The following GARNL3 variants were observed in gnomAD, a reference collection of about 807,000 sequenced individuals.
GARNL3 encodes the protein GTPase activating Rap/RanGAP domain like 3.
Under a neutral mutation model 125.0 loss-of-function variants are expected in GARNL3, and 63 were observed. That is an observed-to-expected ratio of 0.50 (90% CI 0.41 to 0.62). The LOEUF (loss-of-function observed/expected upper bound fraction) is 0.62. GARNL3 is among the 20% of genes least tolerant of loss of function. The pLI is 0.00. For missense variants in GARNL3, 994 were observed against 1,244.0 expected (o/e 0.80, Z 3.02); for synonymous variants, 439 against 457.5 (o/e 0.96, Z 0.52).
chr9:127,271,159 T>C (rs2063815364), intron 1 of GARNL3, among the ~76,000 whole-genome samples: 1 of 150,296 alleles, frequency 6.7e-6, no homozygotes. Context: ...TTCCTTCATA[T>C]AGCGAGAATT....
chr9:127,321,960 C>G (rs1002026597), intron 6 of GARNL3, among the ~76,000 whole-genome samples: 14 of 152,208 alleles, frequency 9.2e-5, no homozygotes, highest in Non-Finnish European at 1.8e-4. Flanking sequence ...GTTATCAACT[C>G]TTGGCTTACC....
rs981595639 is a variant in GARNL3 at position 127,390,520 on chromosome 9, T to G, written c.2744-121T>G. ...TAATTTGAAAATATATATTCTATCATCTTTCTTCCTGACTCTAGCACAACA... is the reference window on the plus strand; with the variant it reads ...TAATTTGAAAATATATATTCTATCAGCTTTCTTCCTGACTCTAGCACAACA... On this transcript the variant is annotated intron_variant, in intron 26 of 27. Transcript: ENST00000373387. 7.0e-6 allele frequency: 6 copies of G among 854,760 alleles called. No homozygotes were observed. In the African/African-American group the frequency reaches 1.0e-4, roughly 15 times the overall value. The allele number at this position is 854,760 out of a possible 1,614,324, so 52.9% of individuals were successfully genotyped here. A position where few individuals can be genotyped will look rare whatever the true frequency, so the allele number is the denominator to read the frequency against.
At chr9:127,292,304 T>C (rs545039780) in intron 2 of GARNL3, among the ~76,000 whole-genome samples, 77 of 152,326 alleles carry the variant, frequency 5.1e-4, no homozygotes, top group Middle Eastern at 3.4e-3. Flanking sequence ...CTGACCCACA[T>C]AGAAGAAGGA....
chr9:127,264,024 T>C, upstream of GARNL3: 1 of 1,388,800 alleles, frequency 7.2e-7, no homozygotes, highest in Non-Finnish European at 9.8e-7. Context: ...TTTCTTTGCA[T>C]GTTAGATCCC....
intron 1 of GARNL3, among the ~76,000 whole-genome samples, chr9:127,228,692 T>C (rs998072057): frequency 6.6e-5 from 10 of 152,250 alleles, no homozygotes; most frequent in East Asian, 1.9e-4. Context: ...TTAGGTCAAA[T>C]ATATAGCAAA....
Position 127,357,176 on chromosome 9 carries a change from T to C in GARNL3, c.1936-43T>C, listed in dbSNP as rs753180169. The C allele has an allele frequency of 2.5e-6, 4 of 1,605,356 alleles. No homozygotes were observed. The South Asian group carries it at 4.4e-5, about 18-fold the overall frequency. On this transcript the variant is annotated intron_variant, in intron 20 of 27. Transcript: ENST00000373387. ...TGGGGCTTGGCATGGAGCTGGCTGC[T>C]CTGTTCTCACCCCTGTCTCTTGTAT...
intron 4 of GARNL3, among the ~76,000 whole-genome samples, chr9:127,314,401 G>A (rs1442279633): frequency 1.3e-5 from 2 of 152,168 alleles, no homozygotes; most frequent in African/African-American, 4.8e-5. Context: ...ATGCTCTGAG[G>A]TGCCTCCAGG....
At chr9:127,269,536 C>A (rs1198959024) in intron 1 of GARNL3, among the ~76,000 whole-genome samples, 2 of 152,202 alleles carry the variant, frequency 1.3e-5, no homozygotes, top group African/African-American at 2.4e-5. Flanking sequence ...TTTCCACCAG[C>A]AATGCACAAA....
intron 1 of GARNL3, among the ~76,000 whole-genome samples, chr9:127,283,824 T>G (rs916324196): frequency 4.6e-5 from 7 of 152,194 alleles, no homozygotes; most frequent in Non-Finnish European, 8.8e-5. Context: ...GTTTGTTTGT[T>G]TGTTTCCTTT....
chr9:127,289,074 CTATTT>C (rs944259628), intron 1 of GARNL3, among the ~76,000 whole-genome samples: 21 of 152,220 alleles, frequency 1.4e-4, no homozygotes, highest in African/African-American at 5.1e-4. Flanking sequence ...GCTTTTCCCT[CTATTT>C]TAACAGTGAG....
chr9:127,231,044 ATATATATTTTTT>A (rs1398151398), intron 1 of GARNL3, among the ~76,000 whole-genome samples: 2 of 47,534 alleles, frequency 4.2e-5, no homozygotes, highest in Non-Finnish European at 7.4e-5. Flanking sequence ...ACATATATAT[ATATATATTTTTT>A]TTTTTTTTTT....
At chr9:127,370,433 T>C (rs562173698) in intron 22 of GARNL3, among the ~76,000 whole-genome samples, 40 of 152,232 alleles carry the variant, frequency 2.6e-4, no homozygotes, top group African/African-American at 9.4e-4. Context: ...GCAGATGGCA[T>C]GAAAAGAAGG....
At chr9:127,225,283 G>T (rs1312019207) in intron 1 of GARNL3, 8 of 940,092 alleles carry the variant, frequency 8.5e-6, no homozygotes, top group Non-Finnish European at 8.9e-6. Context: ...ACCCGAGTGC[G>T]CCCGAGCCCG....
rs1830744032 is a variant in GARNL3 at position 127,357,354 on chromosome 9, C to A, written c.2071C>A (p.Leu691Met). ...VNESTGEAFR[L>M]HHVEANRVNF... ...TGAGAGCACAGGAGAAGCCTTCAGGCTGCACCACGTGGAGGCCAACAGGGT... is the reference window on the plus strand; with the variant it reads ...TGAGAGCACAGGAGAAGCCTTCAGGATGCACCACGTGGAGGCCAACAGGGT... The change falls in exon 21 of 28, where the codon CTG becomes ATG. Residue 691 changes from leucine (L) to methionine (M), a missense_variant. Leu to Met is a conservative substitution (Grantham distance 15). Transcript: ENST00000373387. 1 of 1,614,004 alleles carries A rather than the reference C, an allele frequency of 6.2e-7. No homozygotes were observed. The highest frequency in any genetic ancestry group is 2.2e-5 in the East Asian group (1 of 44,892).
chr9:127,285,581 TG>T (rs1481233554), intron 1 of GARNL3, among the ~76,000 whole-genome samples: 2 of 152,244 alleles, frequency 1.3e-5, no homozygotes, highest in African/African-American at 2.4e-5. Context: ...ATTTTTGCCT[TG>T]ACCTATCAGA....
rs576807951 is a variant in GARNL3 at position 127,254,596 on chromosome 9, C to T, written c.144-10356C>T. On this transcript the variant is annotated intron_variant, in intron 2 of 10. Coordinates refer to the GARNL3 transcript ENST00000439286. Reference sequence around the variant, plus strand: ...CCAGCCTGGCCAACATGGTGAAACCCCGTCTCTACTAAAAATACAAAAATT... The same window carrying T: ...CCAGCCTGGCCAACATGGTGAAACCTCGTCTCTACTAAAAATACAAAAATT... Among the ~76,000 whole-genome samples the T allele has an allele frequency of 2.7e-3, 413 of 152,116 alleles. 1 individual carries two copies. Among genetic ancestry groups the T allele is most frequent in the African/African-American group, 9.6e-3 (399 of 41,510 alleles).
chr9:127,270,555 A>G (rs1050728673), intron 1 of GARNL3, among the ~76,000 whole-genome samples: 6 of 152,110 alleles, frequency 3.9e-5, no homozygotes, highest in Non-Finnish European at 8.8e-5. Context: ...AGTCATTCTT[A>G]CTGATGGATT....
chr9:127,252,994 G>A (rs1257909116), intron 2 of GARNL3, among the ~76,000 whole-genome samples: 2 of 152,190 alleles, frequency 1.3e-5, no homozygotes, highest in African/African-American at 2.4e-5. Flanking sequence ...ACTTATATTA[G>A]TGGCATTGTA....
intron 21 of GARNL3, among the ~76,000 whole-genome samples, chr9:127,357,642 A>G (rs1343508737): frequency 1.3e-5 from 2 of 152,122 alleles, no homozygotes; most frequent in African/African-American, 2.4e-5. Context: ...TTCCGAATAA[A>G]AGAGATATGA....
Sources: allele counts gnomAD v4.1 joint callset (sites outside exome capture counted in the v4.1 genomes callset), GRCh38; gene constraint gnomAD v4.1.1; transcripts MANE v1.5; gene names NCBI Gene and HGNC (gene_info 2026-07-23, HGNC 2026-07-21).